The following PLPP4 variants were observed in gnomAD, a reference collection of about 807,000 sequenced individuals.
PLPP4 encodes phospholipid phosphatase 4, also known as diacylglycerol pyrophosphate like 2.
PLPP4 carries 20 observed loss-of-function variants against 32.2 expected under a neutral mutation model. That is an observed-to-expected ratio of 0.62 (90% CI 0.44 to 0.90). The LOEUF is 0.90. Ranked by LOEUF, PLPP4 falls within the 40% of genes least tolerant of loss-of-function variation. The pLI, the probability that PLPP4 is intolerant of heterozygous loss-of-function variation, is 0.00. For synonymous variants in PLPP4, 127 were observed against 133.0 expected, an observed-to-expected ratio of 0.95 and a Z score of 0.31; for missense variants, 257 against 353.1, an observed-to-expected ratio of 0.73 and a Z score of 2.18.
At chr10:120,562,981 T>C (rs1481206238) in intron 5 of PLPP4, among the ~76,000 whole-genome samples, 1 of 152,232 alleles carries the variant, frequency 6.6e-6, no homozygotes, top group Non-Finnish European at 1.5e-5. Context: ...GACTCACGCC[T>C]GTAATCCTAG....
intron 5 of PLPP4, among the ~76,000 whole-genome samples, chr10:120,568,149 A>G (rs1231020980): frequency 3.9e-5 from 6 of 152,170 alleles, no homozygotes; most frequent in Non-Finnish European, 8.8e-5. Flanking sequence ...CACTCATACA[A>G]TATTTAATAT....
In PLPP4 at chr10:120,575,199, G is replaced by A. The variant is rs1394347482; in HGVS notation, c.514G>A (p.Gly172Arg). The A allele has an allele frequency of 3.1e-6, 5 of 1,613,924 alleles. No individual in the cohort carries two copies. Among genetic ancestry groups the A allele is most frequent in the Non-Finnish European group, 4.2e-6 (5 of 1,180,046 alleles). The change falls in exon 6 of 7, where the codon GGG becomes AGG. Residue 172 changes from glycine (G) to arginine (R), a missense_variant. Coordinates refer to ENST00000398250, the MANE Select transcript of PLPP4 (RefSeq NM_001030059.3). ...AGKLHCFTES[G>R]RGKSWRLCAA... Reference sequence around the variant, plus strand: ...CAAGCTGCACTGCTTCACCGAGAGTGGGCGGGGAAAGAGCTGGCGGCTCTG... The same window carrying A: ...CAAGCTGCACTGCTTCACCGAGAGTAGGCGGGGAAAGAGCTGGCGGCTCTG...
At chr10:120,515,899 G>T (rs1845917250) in intron 3 of PLPP4, among the ~76,000 whole-genome samples, 2 of 152,316 alleles carry the variant, frequency 1.3e-5, no homozygotes, top group African/African-American at 4.8e-5. Context: ...CTGACGGCTG[G>T]CTTTTGGAGT....
intron 3 of PLPP4, among the ~76,000 whole-genome samples, chr10:120,514,664 TA>T (rs1845866446): frequency 6.6e-6 from 1 of 152,198 alleles, no homozygotes; most frequent in Non-Finnish European, 1.5e-5. Flanking sequence ...GTCTTCATGA[TA>T]ATCAAATCCT....
chr10:120,496,854 T>C (rs955950011), intron 1 of PLPP4, among the ~76,000 whole-genome samples: 1 of 150,956 alleles, frequency 6.6e-6, no homozygotes, highest in Non-Finnish European at 1.5e-5. Flanking sequence ...AACAAGAGCA[T>C]GGGAGTGAGA....
chr10:120,466,974 A>C (rs1848352008), intron 1 of PLPP4, among the ~76,000 whole-genome samples: 1 of 151,832 alleles, frequency 6.6e-6, no homozygotes, highest in African/African-American at 2.4e-5. Flanking sequence ...TGTAGTTCTC[A>C]AAAGTGCAGC....
intron 5 of PLPP4, among the ~76,000 whole-genome samples, chr10:120,567,770 A>C (rs1848756866): frequency 6.6e-6 from 1 of 152,214 alleles, no homozygotes; most frequent in South Asian, 2.1e-4. Flanking sequence ...GCTTTCCCAG[A>C]TTTAAAATGG....
intron 6 of PLPP4, among the ~76,000 whole-genome samples, chr10:120,585,934 T>C (rs985479956): frequency 6.6e-6 from 1 of 152,192 alleles, no homozygotes. Flanking sequence ...CTGTATTCCT[T>C]GCCTTTCTCC....
intron 6 of PLPP4, among the ~76,000 whole-genome samples, chr10:120,583,777 T>C (rs1423358397): frequency 6.6e-6 from 1 of 152,218 alleles, no homozygotes; most frequent in Non-Finnish European, 1.5e-5. Context: ...CCCCATTTAC[T>C]GAATAAAAGT....
Position 120,457,347 on chromosome 10 carries a change from C to G in PLPP4, c.42C>G (p.Leu14=). The change falls in exon 1 of 7, where the codon CTC becomes CTG. Residue 14 remains leucine, a synonymous_variant. Coordinates refer to ENST00000398250, the MANE Select transcript of PLPP4 (RefSeq NM_001030059.3). ...LAIEIGVRAL[L]FGVFVFTEFL... The stretch of plus-strand genomic sequence containing the variant: ...TTGAGATCGGGGTGCGAGCCCTGCT[C>G]TTCGGAGTCTTCGTGTAAGTAGTGG... The G allele has an allele frequency of 6.5e-7, 1 of 1,536,116 alleles. No homozygotes were observed. Among genetic ancestry groups the G allele is most frequent in the Non-Finnish European group, 8.8e-7 (1 of 1,140,196 alleles).
At chr10:120,528,068 C>CA (rs1564817488) in intron 5 of PLPP4, among the ~76,000 whole-genome samples, 1 of 120,272 alleles carries the variant, frequency 8.3e-6, no homozygotes. Context: ...TACCACTCTC[C>CA]GTTTTTTTTT....
At chr10:120,501,562 A>G (rs1031189484) in intron 1 of PLPP4, among the ~76,000 whole-genome samples, 1 of 152,218 alleles carries the variant, frequency 6.6e-6, no homozygotes, top group Non-Finnish European at 1.5e-5. Flanking sequence ...ATGACTCATT[A>G]TGTGCCACAT....
At chr10:120,568,968 G>T (rs1415416896) in intron 5 of PLPP4, among the ~76,000 whole-genome samples, 1 of 152,182 alleles carries the variant, frequency 6.6e-6, no homozygotes, top group Non-Finnish European at 1.5e-5. Context: ...ACCAGGTGCG[G>T]TGGCTCACGA....
chr10:120,474,280 T>A (rs944077612), intron 1 of PLPP4, among the ~76,000 whole-genome samples: 2 of 152,088 alleles, frequency 1.3e-5, no homozygotes, highest in East Asian at 3.8e-4. Context: ...TTTAAAAAAA[T>A]TTATCATTTA....
At position 120,457,400 on chromosome 10, in the gene PLPP4, G is replaced by T. The variant is rs543559436; in HGVS notation, c.56+39G>T. ...CACCGCGGGCAGGGCGCACTGACGC[G>T]GGGGAACAACCGACCAAGCCTCTCT... On this transcript the variant is annotated intron_variant, in intron 1 of 6. Coordinates refer to ENST00000398250, the MANE Select transcript of PLPP4 (RefSeq NM_001030059.3). 2.6e-6 allele frequency: 4 copies of T among 1,516,376 alleles called. No individual in the cohort carries two copies. In the South Asian group the frequency reaches 3.7e-5, roughly 14 times the overall value. The allele number at this position is 1,516,376 out of a possible 1,614,324, so 93.9% of individuals were successfully genotyped here. A position where few individuals can be genotyped will look rare whatever the true frequency, so the allele number is the denominator to read the frequency against.
At chr10:120,474,981 A>G (rs756633392) in intron 1 of PLPP4, among the ~76,000 whole-genome samples, 53 of 152,214 alleles carry the variant, frequency 3.5e-4, no homozygotes, top group Non-Finnish European at 7.1e-4. Flanking sequence ...GAAAATTTTA[A>G]ATTGAGTATT....
rs1038696120 is a variant in PLPP4 at position 120,474,880 on chromosome 10, A to AT, written c.56+17526dup. Among the ~76,000 whole-genome samples, 5 of 152,270 alleles carry AT rather than the reference A, an allele frequency of 3.3e-5. No homozygotes were observed. In the East Asian group the frequency reaches 7.7e-4, roughly 23 times the overall value. On this transcript the variant is annotated intron_variant, in intron 1 of 6. Coordinates refer to ENST00000398250, the MANE Select transcript of PLPP4 (RefSeq NM_001030059.3). The stretch of plus-strand genomic sequence containing the variant: ...AAGGTAGGAATTTTATAATGCTTTC[A>AT]TTTTTTTGGATGAGAAATTCAAAGC...
At chr10:120,496,634 C>T (rs912861828) in intron 1 of PLPP4, among the ~76,000 whole-genome samples, 1 of 152,212 alleles carries the variant, frequency 6.6e-6, no homozygotes, top group African/African-American at 2.4e-5. Flanking sequence ...AATCTGTAAT[C>T]TCCATAAGAG....
In PLPP4 at chr10:120,563,792, G is replaced by A. The variant is rs538692364; in HGVS notation, c.446-11339G>A. ...TCCGCAGTCCGGCCTGGGCGACAGA[G>A]CGAGACTCCGTCTCAAAAAAAAAAA... On this transcript the variant is annotated intron_variant, in intron 5 of 6. Transcript: ENST00000398250. 1.5e-4 allele frequency among the ~76,000 whole-genome samples: 13 copies of A among 86,330 alleles called. 1 individual carries two copies. The South Asian group carries it at 6.4e-3, about 42-fold the overall frequency. 56.6% of individuals were successfully genotyped at this position (86,330 alleles called of 152,430 possible).
Sources: gnomAD v4.1 joint callset for allele counts (sites outside exome capture counted in the v4.1 genomes callset) on GRCh38, gnomAD v4.1.1 for gene constraint, MANE v1.5 for transcripts, NCBI Gene and HGNC (gene_info 2026-07-23, HGNC 2026-07-21) for gene names.